Variants in WARS2 observed in about 807,000 individuals in gnomAD.
WARS2 encodes the protein tryptophan--tRNA ligase, mitochondrial.
A neutral mutation model predicts 36.5 loss-of-function variants in WARS2; 28 were observed. The observed-to-expected ratio is 0.77, with a 90% CI of 0.57 to 1.05. The LOEUF is 1.05. Among genes scored for constraint, WARS2 ranks in the 50% least tolerant of loss-of-function variants. The pLI is 0.00. For missense variants in WARS2, 435 were observed against 456.8 expected, an observed-to-expected ratio of 0.95 and a Z score of 0.44; for synonymous variants, 174 against 178.4, an observed-to-expected ratio of 0.98 and a Z score of 0.20.
chr1:119,040,395 C>T (rs1648249283), intron 4 of WARS2, among the ~76,000 whole-genome samples: 1 of 152,236 alleles, frequency 6.6e-6, no homozygotes, highest in African/African-American at 2.4e-5. Context: ...TAGCCCTAAA[C>T]TCAGAGGACT....
chr1:119,085,031 C>G, intron 1 of WARS2: 1 of 655,260 alleles, frequency 1.5e-6, no homozygotes, highest in Non-Finnish European at 2.8e-6. Flanking sequence ...AATTCAAAGA[C>G]TCCTGCTCCC....
At position 119,034,199 on chromosome 1, in the gene WARS2, G is replaced by C. The variant is rs1557930119; in HGVS notation, c.530C>G (p.Pro177Arg). The C allele has an allele frequency of 6.2e-7, 1 of 1,613,724 alleles. No homozygotes were observed. The highest frequency in any genetic ancestry group is 8.5e-7 in the Non-Finnish European group (1 of 1,179,810). Residue 177 changes from proline (P) to arginine (R), a missense_variant, in exon 5 of 6, where the codon CCT becomes CGT. Coordinates refer to ENST00000235521, the MANE Select transcript of WARS2 (RefSeq NM_015836.4). ...DILLYKSTHV[P>R]VGEDQVQHME... ...GTGCTGGACTTGATCCTCCCCAACA[G>C]GAACGTGTGTGGACCTTTAATAAAA...
At chr1:119,083,229 C>CA (rs1652349073) in intron 1 of WARS2, among the ~76,000 whole-genome samples, 1 of 151,642 alleles carries the variant, frequency 6.6e-6, no homozygotes, top group African/African-American at 2.4e-5. Flanking sequence ...ACTCCATCTC[C>CA]AAAAAAGAAA....
At chr1:119,090,924 T>C (rs10157346) in intron 1 of WARS2, among the ~76,000 whole-genome samples, 62,141 of 151,904 alleles carry the variant, frequency 0.41, 13,620 homozygotes, top group African/African-American at 0.56. Flanking sequence ...TTTTTCGGCA[T>C]ATGGTGGTCT....
At chr1:119,117,623 A>C (rs2101525729) in intron 1 of WARS2, among the ~76,000 whole-genome samples, 1 of 152,296 alleles carries the variant, frequency 6.6e-6, no homozygotes. Flanking sequence ...TGTGAGCATA[A>C]CCAGTACTGA....
At chr1:119,103,500 G>A (rs1344808571) in intron 1 of WARS2, among the ~76,000 whole-genome samples, 5 of 152,004 alleles carry the variant, frequency 3.3e-5, no homozygotes, top group Non-Finnish European at 7.4e-5. Flanking sequence ...ATATGCCACT[G>A]ACCCAATATC....
At chr1:119,085,682 A>G in intron 1 of WARS2, 2 of 1,448,094 alleles carry the variant, frequency 1.4e-6, no homozygotes, top group Non-Finnish European at 1.9e-6. Context: ...CAATGGCCAG[A>G]ATTGTGCTCC....
At chr1:119,089,748 C>CAT (rs1379497561) in intron 1 of WARS2, among the ~76,000 whole-genome samples, 2 of 152,068 alleles carry the variant, frequency 1.3e-5, no homozygotes, top group African/African-American at 4.8e-5. Flanking sequence ...CATTTAATTA[C>CAT]AAAAGAATTA....
chr1:119,066,284 C>T (rs1472260033), intron 2 of WARS2, among the ~76,000 whole-genome samples: 2 of 151,990 alleles, frequency 1.3e-5, no homozygotes, highest in Admixed American at 6.6e-5. Flanking sequence ...GAGAACCATC[C>T]TGGCTAATAC....
rs1402543917 is a variant in WARS2 at position 119,033,253 on chromosome 1, T to A, written c.741A>T (p.Ile247=). The stretch of plus-strand genomic sequence containing the variant: ...TCACAGCCTTGCGGAATTTCTGCAC[T>A]ATCTCCTCTGGGCTGTCTGTTATTC... ...TVRITDSPEE[I]VQKFRKAVTD... is the part of the protein sequence containing the mutation. The change falls in exon 6 of 6, where the codon ATA becomes ATT. Residue 247 remains isoleucine, a synonymous_variant. Coordinates refer to ENST00000235521, the MANE Select transcript of WARS2 (RefSeq NM_015836.4). The A allele has an allele frequency of 6.2e-7, 1 of 1,614,262 alleles. No homozygotes were observed. The highest frequency in any genetic ancestry group is 8.5e-7 in the Non-Finnish European group (1 of 1,180,042).
At chr1:119,131,712 C>T (rs1207985242) in intron 1 of WARS2, among the ~76,000 whole-genome samples, 1 of 152,064 alleles carries the variant, frequency 6.6e-6, no homozygotes, top group Non-Finnish European at 1.5e-5. Context: ...CTGCCCGCCT[C>T]GGCCTCCCAA....
chr1:119,045,777 T>C, intron 2 of WARS2, 115 bp from the exon 3 acceptor site: 2 of 835,158 alleles, frequency 2.4e-6, no homozygotes, highest in Non-Finnish European at 3.9e-6. Flanking sequence ...TTAAGGTTAT[T>C]ATAAGAACAG....
chr1:119,129,338 T>C (rs1297005076), intron 1 of WARS2, among the ~76,000 whole-genome samples: 3 of 152,212 alleles, frequency 2.0e-5, no homozygotes, highest in Non-Finnish European at 1.5e-5. Flanking sequence ...TTGTTTATGA[T>C]ACCCAGTCTA....
chr1:119,040,320 C>T (rs961877512), intron 4 of WARS2, among the ~76,000 whole-genome samples: 4 of 152,152 alleles, frequency 2.6e-5, no homozygotes, highest in African/African-American at 4.8e-5. Context: ...AAAGCTCCTT[C>T]CCATCCTTTG....
At chr1:119,064,571 G>A (rs12734353) in intron 2 of WARS2, 25,055 of 152,108 alleles carry the variant, frequency 0.16, 2,275 homozygotes, top group East Asian at 0.24. Context: ...GGGACCCAGT[G>A]GGAGGTAATT....
At chr1:119,073,334 T>A (rs1651476733) in intron 2 of WARS2, among the ~76,000 whole-genome samples, 1 of 152,100 alleles carries the variant, frequency 6.6e-6, no homozygotes, top group South Asian at 2.1e-4. Flanking sequence ...ATCCCATCCA[T>A]CCATCCATCC....
In WARS2 at chr1:119,140,633, G is replaced by A. The variant is rs889723072; in HGVS notation, c.12C>T (p.His4=). The change falls in exon 1 of 6, where the codon CAC becomes CAT. Residue 4 remains histidine (H), a synonymous_variant. Transcript: ENST00000235521. ...AGCGCTCACGCGCTTTCCGCATTGA[G>A]TGCAGCGCCATCTTGAGAAGGGCGG... MAL[H]SMRKARERWS... The A allele has an allele frequency of 3.1e-6, 5 of 1,612,912 alleles. No homozygotes were observed. Among genetic ancestry groups the A allele is most frequent in the East Asian group, 2.2e-5 (1 of 44,838 alleles).
intron 4 of WARS2, among the ~76,000 whole-genome samples, chr1:119,041,872 A>G (rs1176688555): frequency 1.3e-5 from 2 of 152,200 alleles, no homozygotes; most frequent in Admixed American, 1.3e-4. Flanking sequence ...TGCTAATTAC[A>G]TGACTTTGGG....
At chr1:119,067,109 C>T (rs1287163938) in intron 2 of WARS2, among the ~76,000 whole-genome samples, 3 of 146,840 alleles carry the variant, frequency 2.0e-5, no homozygotes, top group African/African-American at 5.1e-5. Flanking sequence ...AAATAAATCC[C>T]AAGCATGTAA....
Sources: allele counts gnomAD v4.1 joint callset (sites outside exome capture counted in the v4.1 genomes callset), GRCh38; gene constraint gnomAD v4.1.1; transcripts MANE v1.5; gene names NCBI Gene and HGNC (gene_info 2026-07-23, HGNC 2026-07-21).